The following CFAP54 variants were observed in gnomAD, a reference collection of about 807,000 sequenced individuals.
CFAP54 encodes the protein cilia- and flagella-associated protein 54.
In CFAP54, 290 loss-of-function variants were observed where a neutral mutation model predicts 370.4. The observed-to-expected ratio is 0.78, with a 90% CI of 0.71 to 0.86. CFAP54 has a LOEUF of 0.86. CFAP54 is among the 40% of genes least tolerant of loss of function. The pLI is 0.00. For missense variants in CFAP54, 3,399 were observed against 3,528.7 expected (o/e 0.96, Z 0.93); for synonymous variants, 1,206 against 1,236.5 (o/e 0.98, Z 0.52).
At chr12:96,639,664 G>A (rs1284024248) in intron 32 of CFAP54, among the ~76,000 whole-genome samples, 1 of 152,118 alleles carries the variant, frequency 6.6e-6, no homozygotes, top group Non-Finnish European at 1.5e-5. Context: ...GATGAACATC[G>A]ATGCAAAAAT....
At chr12:96,647,772 G>A in intron 33 of CFAP54, 103 bp from the exon 34 acceptor site, 1 of 996,390 alleles carries the variant, frequency 1.0e-6, no homozygotes, top group Non-Finnish European at 1.4e-6. Flanking sequence ...TTAAAATTTG[G>A]GAGTACTCAC....
chr12:96,614,099 A>G (rs1592884002), intron 26 of CFAP54, among the ~76,000 whole-genome samples: 3 of 152,242 alleles, frequency 2.0e-5, no homozygotes, highest in Admixed American at 1.3e-4. Flanking sequence ...ATGAACATCG[A>G]TGTGAAAATC....
At chr12:96,572,261 A>C (rs1955927921) in intron 19 of CFAP54, among the ~76,000 whole-genome samples, 1 of 152,178 alleles carries the variant, frequency 6.6e-6, no homozygotes, top group African/African-American at 2.4e-5. Context: ...TAAAATAAAG[A>C]TACTATGTAA....
chr12:96,496,946 T>C (rs1430025684), intron 1 of CFAP54, among the ~76,000 whole-genome samples: 1 of 152,224 alleles, frequency 6.6e-6, no homozygotes, highest in African/African-American at 2.4e-5. Flanking sequence ...TGGAGGGAAG[T>C]ATAGCTCTAA....
intron 45 of CFAP54, 142 bp downstream of exon 45, chr12:96,693,950 T>C (rs1402916018): frequency 4.0e-6 from 2 of 501,946 alleles, no homozygotes; most frequent in East Asian, 6.7e-5. Context: ...TACCCATTAT[T>C]ATAATAAAGT....
At chr12:96,632,358 A>G (rs935523378) in intron 32 of CFAP54, among the ~76,000 whole-genome samples, 3 of 151,954 alleles carry the variant, frequency 2.0e-5, no homozygotes, top group Admixed American at 2.0e-4. Flanking sequence ...GGGATAGTAA[A>G]GATATTCTCT....
Position 96,753,811 on chromosome 12 carries a change from C to T in CFAP54, c.7753C>T (p.Leu2585Phe), listed in dbSNP as rs777900509. The change falls in exon 56 of 68, where the codon CTT becomes TTT. Residue 2585 changes from leucine to phenylalanine, a missense_variant. This residue lies in a region of CFAP54 where 2,796 missense variants were observed against 2,869.7 expected (regional missense o/e 0.97). Coordinates refer to ENST00000524981, the MANE Select transcript of CFAP54 (RefSeq NM_001306084.2). ...RKDPSKWLPA[L>F]HLFDVALKLC... ...GGACCCCTCGAAGTGGTTACCTGCTCTTCATCTGTTTGATGTGGCACTGAA... is the reference window on the plus strand; with the variant it reads ...GGACCCCTCGAAGTGGTTACCTGCTTTTCATCTGTTTGATGTGGCACTGAA... The T allele has an allele frequency of 2.5e-5, 41 of 1,614,048 alleles. No homozygotes were observed. Among genetic ancestry groups the T allele is most frequent in the Non-Finnish European group, 3.4e-5 (40 of 1,179,960 alleles).
intron 23 of CFAP54, 99 bp downstream of exon 23, chr12:96,589,662 TC>T: frequency 1.5e-6 from 1 of 668,708 alleles, no homozygotes; most frequent in Non-Finnish European, 2.3e-6. Flanking sequence ...GTTCAGATAG[TC>T]CATATACAAT....
At chr12:96,769,127 C>T (rs896034234) in intron 60 of CFAP54, among the ~76,000 whole-genome samples, 1 of 152,150 alleles carries the variant, frequency 6.6e-6, no homozygotes, top group Non-Finnish European at 1.5e-5. Flanking sequence ...TGCAAAGAAA[C>T]CTTTATTTCA....
Position 96,589,563 on chromosome 12 carries a change from G to C in CFAP54, c.3212G>C (p.Arg1071Thr). Residue 1071 changes from arginine to threonine, a missense_variant and splice_region_variant, in exon 23 of 68, where the codon AGA becomes ACA. Physicochemically the swap from Arg to Thr is moderately conservative, Grantham distance 71. Around this residue, in one of 3 missense-constraint regions of CFAP54, gnomAD observed 2,796 missense variants for 2,869.7 expected, o/e 0.97. Coordinates refer to ENST00000524981, the MANE Select transcript of CFAP54 (RefSeq NM_001306084.2). Reference sequence around the variant, plus strand: ...AATATAATTACTATTACACAAAGAAGGTAATTAGAAATATTCTTCTAAAAT... The same window carrying C: ...AATATAATTACTATTACACAAAGAACGTAATTAGAAATATTCTTCTAAAAT... Reference protein sequence around the residue: ...LSNIITITQRRLHSDILAETS... With the variant: ...LSNIITITQRTLHSDILAETS... 3 of 1,404,326 alleles carry C rather than the reference G, an allele frequency of 2.1e-6. No homozygotes were observed. The highest frequency in any genetic ancestry group is 2.9e-6 in the Non-Finnish European group (3 of 1,036,614). The allele number at this position is 1,404,326 out of a possible 1,614,324, so 87.0% of individuals were successfully genotyped here.
chr12:96,654,615 G>A (rs558511348), intron 36 of CFAP54, among the ~76,000 whole-genome samples: 2 of 151,942 alleles, frequency 1.3e-5, no homozygotes, highest in South Asian at 2.1e-4. Context: ...GTACATTTTC[G>A]TGAAGTATTG....
intron 19 of CFAP54, among the ~76,000 whole-genome samples, chr12:96,565,426 A>G (rs563671613): frequency 1.3e-5 from 2 of 152,010 alleles, no homozygotes; most frequent in East Asian, 3.9e-4. Context: ...GTAGAGTCAG[A>G]CCCTTAGTAT....
chr12:96,719,234 T>G (rs1256673493), intron 49 of CFAP54, among the ~76,000 whole-genome samples: 2 of 152,148 alleles, frequency 1.3e-5, no homozygotes, highest in Non-Finnish European at 2.9e-5. Context: ...AAACTGAGGC[T>G]TAGACATCTA....
intron 13 of CFAP54, among the ~76,000 whole-genome samples, chr12:96,539,629 C>G (rs1955549002): frequency 1.3e-5 from 2 of 151,610 alleles, no homozygotes; most frequent in South Asian, 4.2e-4. Flanking sequence ...GAGCCGAGAT[C>G]ACACCACTGC....
At chr12:96,656,941 C>T (rs1956929220) in intron 36 of CFAP54, among the ~76,000 whole-genome samples, 1 of 152,230 alleles carries the variant, frequency 6.6e-6, no homozygotes, top group Non-Finnish European at 1.5e-5. Flanking sequence ...TGGTGCTACA[C>T]CTGCTATTCT....
chr12:96,665,061 A>G (rs367740456), intron 39 of CFAP54, among the ~76,000 whole-genome samples: 123 of 151,332 alleles, frequency 8.1e-4, no homozygotes, highest in African/African-American at 2.1e-3. Context: ...CATTTCTCCA[A>G]TGATCAGTGA....
At chr12:96,709,253 T>C (rs1340846243) in intron 48 of CFAP54, among the ~76,000 whole-genome samples, 5 of 152,212 alleles carry the variant, frequency 3.3e-5, no homozygotes, top group African/African-American at 7.2e-5. Context: ...AGAGGAATGA[T>C]TGAATAAGAA....
chr12:96,509,048 C>T (rs983215170), intron 4 of CFAP54, among the ~76,000 whole-genome samples: 2 of 152,162 alleles, frequency 1.3e-5, no homozygotes, highest in African/African-American at 4.8e-5. Context: ...CTACCATATG[C>T]TAGGCATTGT....
intron 26 of CFAP54, among the ~76,000 whole-genome samples, chr12:96,608,386 C>T (rs969754899): frequency 6.0e-5 from 9 of 150,936 alleles, no homozygotes; most frequent in African/African-American, 2.2e-4. Flanking sequence ...ATAAATATGT[C>T]TCTCTATATA....
Sources: gnomAD v4.1 joint callset for allele counts (sites outside exome capture counted in the v4.1 genomes callset) on GRCh38, gnomAD v4.1.1 for gene constraint, gnomAD v4.1.1 regional missense constraint, MANE v1.5 for transcripts, NCBI Gene and HGNC (gene_info 2026-07-23, HGNC 2026-07-21) for gene names.